ABCG1: variants seen among roughly 807,000 people sequenced by gnomAD.
The protein encoded by ABCG1 is ATP binding cassette subfamily G member 1, also known as ATP-binding cassette sub-family G member 1.
ABCG1 carries 29 observed loss-of-function variants against 69.2 expected under a neutral mutation model. The ratio of observed to expected loss-of-function variants is 0.42; its 90% CI spans 0.31 to 0.57. ABCG1 has a LOEUF of 0.57. Among genes scored for constraint, ABCG1 ranks in the 20% least tolerant of loss-of-function variants. The pLI is 0.15. For missense variants in ABCG1, 718 were observed against 898.1 expected, an observed-to-expected ratio of 0.80 and a Z score of 2.56; for synonymous variants, 370 against 374.8, an observed-to-expected ratio of 0.99 and a Z score of 0.15.
chr21:42,284,461 C>T, intron 6 of ABCG1, 99 bp from the exon 7 acceptor site: 11 of 1,456,052 alleles, frequency 7.6e-6, no homozygotes, highest in Non-Finnish European at 1.0e-5. Flanking sequence ...CCCCTGATGC[C>T]AAGCCCTCTG....
In ABCG1 at chr21:42,296,406, C is replaced by T; in HGVS notation, c.*14C>T. On this transcript the variant is annotated 3_prime_UTR_variant, in exon 15 of 15. Transcript: ENST00000398449. This position sits in a 1 kb window ranked among gnomAD's most constrained non-coding sequence, Gnocchi z 5.4. ...GCAGAGAGGTAAAACACCTGAATGCCAGGAAACAGGAAGATTAGACACTGT... is the reference window on the plus strand; with the variant it reads ...GCAGAGAGGTAAAACACCTGAATGCTAGGAAACAGGAAGATTAGACACTGT... 6.2e-7 allele frequency: 1 copy of T among 1,605,650 alleles called. No individual in the cohort carries two copies. The highest frequency in any genetic ancestry group is 1.3e-5 in the African/African-American group (1 of 74,884).
upstream of ABCG1, among the ~76,000 whole-genome samples, chr21:42,217,984 C>T (rs925147149): frequency 8.5e-5 from 13 of 152,106 alleles, no homozygotes; most frequent in African/African-American, 3.1e-4. Flanking sequence ...ACTCTTGAGA[C>T]AACACCATTC....
rs1326635777 is a variant in ABCG1 at position 42,219,770 on chromosome 21, G to T, written c.42+466G>T. On this transcript the variant is annotated intron_variant, in intron 1 of 14. Transcript: ENST00000398449. The surrounding 1 kb of genome is among the most constrained non-coding windows in gnomAD (Gnocchi z 5.3). ...GACTTCTCGCGCCATCCCCAGGAAC[G>T]CCAGGCAAGGTCTGGGGGAACAAAA... 2.2e-6 allele frequency: 3 copies of T among 1,388,192 alleles called. No homozygotes were observed. Among genetic ancestry groups the T allele is most frequent in the East Asian group, 5.5e-5 (2 of 36,420 alleles). The allele number at this position is 1,388,192 out of a possible 1,614,324, so 86.0% of individuals were successfully genotyped here.
At chr21:42,234,506 C>T (rs1054534774) in intron 2 of ABCG1, among the ~76,000 whole-genome samples, 20 of 152,214 alleles carry the variant, frequency 1.3e-4, no homozygotes, top group African/African-American at 3.4e-4. Flanking sequence ...TGGCTGGGGG[C>T]TGCACTGGAC....
chr21:42,265,888 C>T (rs1011588603), intron 2 of ABCG1, among the ~76,000 whole-genome samples: 2 of 152,230 alleles, frequency 1.3e-5, no homozygotes, highest in African/African-American at 4.8e-5. Context: ...ACTGCCATAG[C>T]TTGCCCCTCG....
chr21:42,291,891 C>T lies in ABCG1; in HGVS notation c.1653+235C>T, dbSNP rs950676850. On this transcript the variant is annotated intron_variant, in intron 13 of 14. Coordinates refer to ENST00000398449, the MANE Select transcript of ABCG1 (RefSeq NM_016818.3). This position sits in a 1 kb window ranked among gnomAD's most constrained non-coding sequence, Gnocchi z 6.4. ...ACTGCGTGCTGGGCGCTCTTCCCAGCGCTTCCCAGATCTGAGCTCCTGTAG... is the reference window on the plus strand; with the variant it reads ...ACTGCGTGCTGGGCGCTCTTCCCAGTGCTTCCCAGATCTGAGCTCCTGTAG... 3.3e-5 allele frequency among the ~76,000 whole-genome samples: 5 copies of T among 152,184 alleles called. No homozygotes were observed. Among genetic ancestry groups the T allele is most frequent in the Admixed American group, 6.5e-5 (1 of 15,290 alleles).
intron 1 of ABCG1, among the ~76,000 whole-genome samples, chr21:42,200,364 C>G (rs773092912): frequency 1.5e-4 from 23 of 152,178 alleles, no homozygotes; most frequent in Non-Finnish European, 3.1e-4. Flanking sequence ...CCCAGCCTCC[C>G]CCTCTCAGCC....
intron 2 of ABCG1, among the ~76,000 whole-genome samples, chr21:42,264,649 G>A (rs1165796468): frequency 6.6e-6 from 1 of 152,284 alleles, no homozygotes; most frequent in South Asian, 2.1e-4. Flanking sequence ...CAAAGGAAAG[G>A]TGAAGGGCAA....
intron 13 of ABCG1, among the ~76,000 whole-genome samples, chr21:42,292,234 C>T (rs1601459136): frequency 6.6e-6 from 1 of 152,106 alleles, no homozygotes; most frequent in East Asian, 1.9e-4. Flanking sequence ...TTGGGAACAC[C>T]CGAGGGCCCC....
chr21:42,224,770 T>TGA (rs1191459439), intron 1 of ABCG1, among the ~76,000 whole-genome samples: 1 of 152,190 alleles, frequency 6.6e-6, no homozygotes, highest in African/African-American at 2.4e-5. Flanking sequence ...TGAAGCTTAT[T>TGA]GATTTGCTCA....
rs893083090 is a variant in ABCG1 at position 42,224,805 on chromosome 21, G to T, written c.43-866G>T. Among the ~76,000 whole-genome samples the T allele has an allele frequency of 3.9e-5, 6 of 152,272 alleles. No individual in the cohort carries two copies. In the South Asian group the frequency reaches 1.2e-3, roughly 32 times the overall value. ...ACGGTTGCCAGGCCATTGAAAAAGG[G>T]TATTTCTTTCTTTGCATAGGTACTT... is the stretch of plus-strand genomic sequence containing the variant. On this transcript the variant is annotated intron_variant, in intron 1 of 14. Transcript: ENST00000398449.
chr21:42,229,033 C>G (rs974875529), intron 2 of ABCG1, among the ~76,000 whole-genome samples: 1 of 152,240 alleles, frequency 6.6e-6, no homozygotes, highest in African/African-American at 2.4e-5. Flanking sequence ...GCTGGTCCAC[C>G]AAGTCGGCCT....
At chr21:42,204,080 T>C (rs1298676660) in intron 2 of ABCG1, among the ~76,000 whole-genome samples, 1 of 152,252 alleles carries the variant, frequency 6.6e-6, no homozygotes, top group Non-Finnish European at 1.5e-5. Context: ...AAAATTTATG[T>C]ATGTTTATCT....
At chr21:42,201,512 G>T in intron 1 of ABCG1, 2 of 1,124,548 alleles carry the variant, frequency 1.8e-6, no homozygotes, top group East Asian at 2.9e-5. Flanking sequence ...TACATGACAG[G>T]GTGAGCTACC....
chr21:42,212,843 G>A (rs532371346), upstream of ABCG1, among the ~76,000 whole-genome samples: 18 of 151,690 alleles, frequency 1.2e-4, no homozygotes, highest in African/African-American at 2.7e-4. Context: ...ACAGGTGCCC[G>A]CTACCATGCC....
chr21:42,236,327 T>C (rs2067978201), intron 2 of ABCG1, among the ~76,000 whole-genome samples: 1 of 152,214 alleles, frequency 6.6e-6, no homozygotes, highest in South Asian at 2.1e-4. Context: ...CTATTACAGT[T>C]TTGTGTGTGT....
chr21:42,202,764 A>G (rs2067516730), intron 2 of ABCG1, among the ~76,000 whole-genome samples: 2 of 151,794 alleles, frequency 1.3e-5, no homozygotes, highest in Non-Finnish European at 2.9e-5. Context: ...GGTGCCCACC[A>G]CCACGCCTGG....
intron 2 of ABCG1, among the ~76,000 whole-genome samples, chr21:42,229,190 C>T (rs571093623): frequency 2.0e-4 from 31 of 152,320 alleles, no homozygotes; most frequent in South Asian, 4.1e-4. Context: ...CTCACAGTGG[C>T]GGAGTTTGTA....
intron 2 of ABCG1, among the ~76,000 whole-genome samples, chr21:42,247,870 A>G (rs2123631267): frequency 6.6e-6 from 1 of 152,322 alleles, no homozygotes; most frequent in South Asian, 2.1e-4. Flanking sequence ...ACACAGCCAC[A>G]GCCCACAGAC....
Sources: allele counts gnomAD v4.1 joint callset (sites outside exome capture counted in the v4.1 genomes callset), GRCh38; gene constraint gnomAD v4.1.1; non-coding constraint Gnocchi (gnomAD v3.1); transcripts MANE v1.5; gene names NCBI Gene and HGNC (gene_info 2026-07-23, HGNC 2026-07-21).